The following GRB10 variants were observed in gnomAD, a reference collection of about 807,000 sequenced individuals.
GRB10 encodes growth factor receptor-bound protein 10.
GRB10 carries 20 observed loss-of-function variants against 80.9 expected under a neutral mutation model. The observed-to-expected ratio is 0.25, with a 90% CI of 0.17 to 0.36. The LOEUF is 0.36. Ranked by LOEUF, GRB10 falls within the 10% of genes least tolerant of loss-of-function variation. The probability of loss-of-function intolerance (pLI) is 1.00; values close to 1 mark genes in which losing one functional copy is unlikely to be tolerated. For missense variants in GRB10, 548 were observed against 747.7 expected (o/e 0.73, Z 3.12); for synonymous variants, 291 against 291.5 (o/e 1.00, Z 0.02).
At chr7:50,743,273 C>A (rs2072230564) in intron 3 of GRB10, among the ~76,000 whole-genome samples, 1 of 152,188 alleles carries the variant, frequency 6.6e-6, no homozygotes, top group African/African-American at 2.4e-5. Context: ...TTTTTATTCT[C>A]AGCAGTTTGA....
Position 50,670,795 on chromosome 7 carries a change from T to C in GRB10, c.363-932A>G, listed in dbSNP as rs570706068. ...ATTATGCAATGGATGGTTACTTATATAAAAAGGTTGTTGACACTGAATTAA... is the reference window on the plus strand; with the variant it reads ...ATTATGCAATGGATGGTTACTTATACAAAAAGGTTGTTGACACTGAATTAA... On this transcript the variant is annotated intron_variant, in intron 6 of 18. Transcript: ENST00000401949. Among the ~76,000 whole-genome samples the C allele has an allele frequency of 4.6e-5, 7 of 152,300 alleles. No individual in the cohort carries two copies. In the South Asian group the frequency reaches 1.4e-3, roughly 32 times the overall value.
At chr7:50,733,015 A>G (rs2070145424) in intron 3 of GRB10, among the ~76,000 whole-genome samples, 2 of 152,236 alleles carry the variant, frequency 1.3e-5, no homozygotes, top group African/African-American at 2.4e-5. Context: ...GTATCCTCCC[A>G]AAGTTCCTAA....
intron 5 of GRB10, among the ~76,000 whole-genome samples, chr7:50,676,342 G>A (rs1053037751): frequency 6.7e-6 from 1 of 150,238 alleles, no homozygotes; most frequent in African/African-American, 2.4e-5. Flanking sequence ...CACCGGGGGG[G>A]GGGGGGGGTT....
intron 7 of GRB10, among the ~76,000 whole-genome samples, chr7:50,654,754 C>A (rs1586426658): frequency 6.6e-6 from 1 of 152,334 alleles, no homozygotes; most frequent in East Asian, 1.9e-4. Flanking sequence ...TTCCCATTCT[C>A]TTTCCCTACC....
chr7:50,679,588 A>C (rs6957897), intron 5 of GRB10, among the ~76,000 whole-genome samples: 1,964 of 152,252 alleles, frequency 0.013, 46 homozygotes, highest in African/African-American at 0.045. Flanking sequence ...TCACAGACCT[A>C]CACAAGCTTC....
At chr7:50,632,039 C>A in intron 7 of GRB10, among the ~76,000 whole-genome samples, 1 of 152,162 alleles carries the variant, frequency 6.6e-6, no homozygotes. Context: ...ATTGGGCAGA[C>A]CCTGAAGCCT....
chr7:50,769,649 G>A (rs754316722), intron 2 of GRB10, among the ~76,000 whole-genome samples: 1 of 152,138 alleles, frequency 6.6e-6, no homozygotes, highest in Non-Finnish European at 1.5e-5. Context: ...AGGAGGTGGT[G>A]AGACTCACAG....
At position 50,592,702 on chromosome 7, in the gene GRB10, T is replaced by C; in HGVS notation, c.*250A>G. The stretch of plus-strand genomic sequence containing the variant: ...ATGATCATTCCAGTTTATTTTCAAC[T>C]TTCCGCTGGATCTTCCATGCCCTCC... On this transcript the variant is annotated 3_prime_UTR_variant, in exon 19 of 19. Coordinates refer to ENST00000401949, the MANE Select transcript of GRB10 (RefSeq NM_001350814.2). 2.7e-5 allele frequency: 15 copies of C among 547,430 alleles called. No individual in the cohort carries two copies. The South Asian group carries it at 3.1e-4, about 11-fold the overall frequency. 33.9% of individuals were successfully genotyped at this position (547,430 alleles called of 1,614,324 possible).
chr7:50,751,782 T>C (rs935608082), intron 3 of GRB10, among the ~76,000 whole-genome samples: 1 of 152,228 alleles, frequency 6.6e-6, no homozygotes, highest in Non-Finnish European at 1.5e-5. Context: ...GCAAGGAATT[T>C]GGTGACCAAG....
chr7:50,665,191 G>C (rs934836656), intron 7 of GRB10, among the ~76,000 whole-genome samples: 8 of 152,186 alleles, frequency 5.3e-5, no homozygotes, highest in Non-Finnish European at 1.2e-4. Flanking sequence ...AGAGCAAAGG[G>C]GGATGTCTGC....
At chr7:50,664,663 A>G (rs2059616140) in intron 7 of GRB10, among the ~76,000 whole-genome samples, 1 of 152,212 alleles carries the variant, frequency 6.6e-6, no homozygotes, top group African/African-American at 2.4e-5. Flanking sequence ...GGACCACTGC[A>G]GCCAGTGTCT....
At chr7:50,694,152 C>G (rs187575955) in intron 5 of GRB10, among the ~76,000 whole-genome samples, 1 of 152,168 alleles carries the variant, frequency 6.6e-6, no homozygotes, top group Non-Finnish European at 1.5e-5. Context: ...GGCGAAACCC[C>G]GTTTCTACCC....
chr7:50,750,162 G>C (rs889277793), intron 3 of GRB10, among the ~76,000 whole-genome samples: 5 of 152,194 alleles, frequency 3.3e-5, no homozygotes, highest in Non-Finnish European at 7.3e-5. Context: ...GCAGCTCTCC[G>C]TGGGAAAGCA....
intron 1 of GRB10, among the ~76,000 whole-genome samples, chr7:50,790,425 T>A (rs1379612510): frequency 1.3e-5 from 2 of 152,250 alleles, no homozygotes; most frequent in Non-Finnish European, 2.9e-5. Context: ...AAAAAAAAGT[T>A]TATTTAAACT....
At position 50,674,591 on chromosome 7, in the gene GRB10, G is replaced by T; in HGVS notation, c.207C>A (p.Ala69=). Residue 69 remains alanine, a synonymous_variant, in exon 6 of 19, where the codon GCC becomes GCA. Transcript: ENST00000401949. ...GCACCGTGTCTGACTGCATGCTGCA[G>T]GCCGAGTACAGGCTCTCCAGGGATG... is the stretch of plus-strand genomic sequence containing the variant. The part of the protein sequence containing the change: ...MNASLESLYS[A]CSMQSDTVPL... 2 of 1,613,556 alleles carry T rather than the reference G, an allele frequency of 1.2e-6. No individual in the cohort carries two copies. The highest frequency in any genetic ancestry group is 8.5e-7 in the Non-Finnish European group (1 of 1,180,044).
chr7:50,635,251 G>T (rs749091262), intron 7 of GRB10, among the ~76,000 whole-genome samples: 2 of 152,042 alleles, frequency 1.3e-5, no homozygotes, highest in Non-Finnish European at 2.9e-5. Flanking sequence ...GTACAAATAC[G>T]TGGAAACTAA....
intron 7 of GRB10, among the ~76,000 whole-genome samples, chr7:50,629,288 T>C (rs1000313328): frequency 3.3e-5 from 5 of 152,188 alleles, no homozygotes; most frequent in Non-Finnish European, 7.3e-5. Flanking sequence ...GCTGCATTTT[T>C]CTTTAAACTC....
intron 13 of GRB10, among the ~76,000 whole-genome samples, chr7:50,611,862 T>C (rs559525569): frequency 2.0e-5 from 3 of 152,314 alleles, no homozygotes; most frequent in Non-Finnish European, 2.9e-5. Context: ...TTGGCTCCAG[T>C]TGACTAAACG....
At chr7:50,627,119 T>A in intron 7 of GRB10, 141 bp from the exon 8 acceptor site, 1 of 827,400 alleles carries the variant, frequency 1.2e-6, no homozygotes, top group East Asian at 2.5e-5. Flanking sequence ...AGCCAACAGG[T>A]CCCCACCAGC....
Sources: gnomAD v4.1 joint callset for allele counts (sites outside exome capture counted in the v4.1 genomes callset) on GRCh38, gnomAD v4.1.1 for gene constraint, MANE v1.5 for transcripts, NCBI Gene and HGNC (gene_info 2026-07-23, HGNC 2026-07-21) for gene names.